Variants in ADAMTS19 observed in about 807,000 individuals in gnomAD.
ADAMTS19 encodes A disintegrin and metalloproteinase with thrombospondin motifs 19.
In ADAMTS19, 93 loss-of-function variants were observed where a neutral mutation model predicts 153.3. The ratio of observed to expected loss-of-function variants is 0.61; its 90% CI spans 0.51 to 0.72. ADAMTS19 has a LOEUF of 0.72. ADAMTS19 is among the 30% of genes least tolerant of loss of function. The pLI, the probability that ADAMTS19 is intolerant of heterozygous loss-of-function variation, is 0.00. For synonymous variants in ADAMTS19, 600 were observed against 556.6 expected (o/e 1.08, Z -1.10); for missense variants, 1,482 against 1,552.1 (o/e 0.95, Z 0.76).
At position 129,551,864 on chromosome 5, in the gene ADAMTS19, G is replaced by A. The variant is rs759337808; in HGVS notation, c.1329G>A (p.Arg443=). 1.3e-6 allele frequency: 2 copies of A among 1,568,444 alleles called. No homozygotes were observed. The highest frequency in any genetic ancestry group is 1.7e-6 in the Non-Finnish European group (2 of 1,157,704). ...TSVDAAILIT[R]KDFCVHKDEP... ...TTCAGTTTTCTATTTTTCTTTCTAG[G>A]AAAGATTTCTGTGTGCACAAAGATG... Residue 443 remains arginine (R), a splice_region_variant and synonymous_variant, in exon 7 of 23, where the codon AGG becomes AGA. Transcript: ENST00000274487.
At chr5:129,534,228 C>G (rs1213700555) in intron 6 of ADAMTS19, among the ~76,000 whole-genome samples, 1 of 152,022 alleles carries the variant, frequency 6.6e-6, no homozygotes, top group Non-Finnish European at 1.5e-5. Flanking sequence ...GTGTGGGAGT[C>G]TAAGTCTCTT....
At chr5:129,682,677 G>A (rs559993796) in intron 17 of ADAMTS19, among the ~76,000 whole-genome samples, 33 of 152,130 alleles carry the variant, frequency 2.2e-4, no homozygotes, top group Non-Finnish European at 1.5e-5. Flanking sequence ...AAACTCATTA[G>A]GCTGAAAGTC....
intron 7 of ADAMTS19, among the ~76,000 whole-genome samples, chr5:129,562,018 A>G (rs1753542520): frequency 6.6e-6 from 1 of 152,202 alleles, no homozygotes; most frequent in Non-Finnish European, 1.5e-5. Context: ...AATAGTCATA[A>G]TACCATCAGT....
chr5:129,696,497 G>T (rs1755561292), intron 19 of ADAMTS19, among the ~76,000 whole-genome samples: 1 of 152,176 alleles, frequency 6.6e-6, no homozygotes, highest in Admixed American at 6.5e-5. Flanking sequence ...TTTAGATACT[G>T]TAAACCAAAA....
At chr5:129,526,875 T>A (rs1485450919) in intron 4 of ADAMTS19, among the ~76,000 whole-genome samples, 1 of 151,788 alleles carries the variant, frequency 6.6e-6, no homozygotes, top group Non-Finnish European at 1.5e-5. Context: ...TTGATAGAGG[T>A]ATACTTTTGG....
chr5:129,726,493 C>T (rs570460919), intron 21 of ADAMTS19, among the ~76,000 whole-genome samples: 35 of 151,538 alleles, frequency 2.3e-4, no homozygotes, highest in South Asian at 8.3e-4. Flanking sequence ...ATGTGAAGAG[C>T]GAGATTTAGC....
At chr5:129,618,917 T>C (rs1343253633) in intron 8 of ADAMTS19, among the ~76,000 whole-genome samples, 1 of 152,040 alleles carries the variant, frequency 6.6e-6, no homozygotes, top group Non-Finnish European at 1.5e-5. Flanking sequence ...TACATGATCA[T>C]TGAACCCATG....
chr5:129,700,167 A>C (rs1032894417), intron 19 of ADAMTS19, among the ~76,000 whole-genome samples: 3 of 152,198 alleles, frequency 2.0e-5, no homozygotes, highest in African/African-American at 7.2e-5. Flanking sequence ...TCTTTCCTAA[A>C]GTGAATTTGG....
chr5:129,562,557 A>G (rs1255438155), intron 7 of ADAMTS19, among the ~76,000 whole-genome samples: 1 of 152,214 alleles, frequency 6.6e-6, no homozygotes, highest in Non-Finnish European at 1.5e-5. Context: ...AGGTTTCTGC[A>G]TAACCCTCTT....
rs183311525 is a variant in ADAMTS19 at position 129,641,026 on chromosome 5, T to A, written c.1771-833T>A. Among the ~76,000 whole-genome samples the A allele has an allele frequency of 1.4e-3, 214 of 152,206 alleles. 1 individual carries two copies. Among genetic ancestry groups the A allele is most frequent in the Non-Finnish European group, 1.6e-3 (110 of 67,992 alleles). On this transcript the variant is annotated intron_variant, in intron 10 of 22. Coordinates refer to ENST00000274487, the MANE Select transcript of ADAMTS19 (RefSeq NM_133638.6). Reference sequence around the variant, plus strand: ...TCACTTTTAAATGTCCTTTATGGATTTCATATTTCTGTACAATTGTTAACA... The same window carrying A: ...TCACTTTTAAATGTCCTTTATGGATATCATATTTCTGTACAATTGTTAACA...
At chr5:129,541,367 A>G (rs1411180356) in intron 6 of ADAMTS19, among the ~76,000 whole-genome samples, 1 of 152,002 alleles carries the variant, frequency 6.6e-6, no homozygotes, top group Non-Finnish European at 1.5e-5. Flanking sequence ...TTCATGCATC[A>G]TGATATGATG....
intron 14 of ADAMTS19, among the ~76,000 whole-genome samples, chr5:129,655,209 A>G (rs1312363425): frequency 2.0e-5 from 3 of 152,170 alleles, no homozygotes; most frequent in Non-Finnish European, 4.4e-5. Context: ...CAGTCACAAG[A>G]CCTTAGCTGA....
chr5:129,617,952 G>A (rs796522498), intron 8 of ADAMTS19, among the ~76,000 whole-genome samples: 16 of 152,004 alleles, frequency 1.1e-4, no homozygotes, highest in African/African-American at 3.6e-4. Context: ...CCAGTATAGA[G>A]GATCATTATG....
intron 8 of ADAMTS19, among the ~76,000 whole-genome samples, chr5:129,610,768 A>C (rs1300956864): frequency 9.9e-5 from 15 of 152,128 alleles, no homozygotes; most frequent in Admixed American, 4.6e-4. Flanking sequence ...ATGTGTCTTT[A>C]TAGCAGCATG....
At chr5:129,612,242 G>C in intron 8 of ADAMTS19, among the ~76,000 whole-genome samples, 1 of 149,782 alleles carries the variant, frequency 6.7e-6, no homozygotes. Context: ...TTTTGTCCTT[G>C]CGATAGTTTG....
rs773267304 is a variant in ADAMTS19, at chr5:129,734,978, G to T, written c.3359G>T (p.Cys1120Phe). The stretch of plus-strand genomic sequence containing the variant: ...GGAATGCAGTCCCGTGTAATCCAAT[G>T]CATGCATAAGATCACAGGAAGACAT... ...GKGMQSRVIQ[C>F]MHKITGRHGN... The change falls in exon 22 of 23, where the codon TGC (cysteine) becomes TTC (phenylalanine). Residue 1120 changes from cysteine (C) to phenylalanine (F), a missense_variant. Coordinates refer to ENST00000274487, the MANE Select transcript of ADAMTS19 (RefSeq NM_133638.6). The T allele has an allele frequency of 6.2e-7, 1 of 1,611,320 alleles. No homozygotes were observed. Among genetic ancestry groups the T allele is most frequent in the Non-Finnish European group, 8.5e-7 (1 of 1,178,594 alleles).
At chr5:129,736,437 G>A (rs1757670186) in intron 22 of ADAMTS19, among the ~76,000 whole-genome samples, 1 of 152,052 alleles carries the variant, frequency 6.6e-6, no homozygotes, top group East Asian at 1.9e-4. Context: ...AGAACACACT[G>A]TTTTACAAAA....
chr5:129,712,016 G>C (rs763971714), intron 21 of ADAMTS19, among the ~76,000 whole-genome samples: 5 of 151,644 alleles, frequency 3.3e-5, no homozygotes, highest in Non-Finnish European at 5.9e-5. Flanking sequence ...TTTTTTTCTA[G>C]CTAGAGAAAA....
At chr5:129,722,665 T>A (rs1757053217) in intron 21 of ADAMTS19, among the ~76,000 whole-genome samples, 1 of 152,226 alleles carries the variant, frequency 6.6e-6, no homozygotes, top group South Asian at 2.1e-4. Flanking sequence ...CATAAAATCT[T>A]TGCCCATGCC....
Sources: allele counts gnomAD v4.1 joint callset (sites outside exome capture counted in the v4.1 genomes callset), GRCh38; gene constraint gnomAD v4.1.1; transcripts MANE v1.5; gene names NCBI Gene and HGNC (gene_info 2026-07-23, HGNC 2026-07-21).